Variants in MTMR6 observed in about 807,000 individuals in gnomAD.
MTMR6 encodes phosphatidylinositol-3,5-bisphosphate 3-phosphatase MTMR6.
A neutral mutation model predicts 80.1 loss-of-function variants in MTMR6; 47 were observed. The observed-to-expected ratio is 0.59, with a 90% CI of 0.46 to 0.75. The LOEUF is 0.75. Ranked by LOEUF, MTMR6 falls within the 30% of genes least tolerant of loss-of-function variation. The probability of loss-of-function intolerance (pLI) is 0.00; values close to 1 mark genes in which losing one functional copy is unlikely to be tolerated. For synonymous variants in MTMR6, 254 were observed against 253.0 expected, an observed-to-expected ratio of 1.00 and a Z score of -0.04; for missense variants, 629 against 730.9, an observed-to-expected ratio of 0.86 and a Z score of 1.61.
chr13:25,257,668 A>G, intron 8 of MTMR6, 68 bp downstream of exon 8: 1 of 1,152,662 alleles, frequency 8.7e-7, no homozygotes, highest in Non-Finnish European at 1.3e-6. Context: ...CCAGCCCCCA[A>G]CAGAATACAT....
intron 1 of MTMR6, among the ~76,000 whole-genome samples, chr13:25,282,590 CTTTTTTCTTTT>C (rs1329408241): frequency 2.2e-5 from 3 of 133,354 alleles, no homozygotes; most frequent in African/African-American, 9.9e-5. Context: ...TCGCCCTCTT[CTTTTTTCTTTT>C]TTCTTTTTTC....
intron 1 of MTMR6, among the ~76,000 whole-genome samples, chr13:25,274,672 A>G (rs1232588626): frequency 1.3e-5 from 2 of 151,994 alleles, no homozygotes; most frequent in East Asian, 3.8e-4. Context: ...TTTTTTGTCC[A>G]CCTCTGGGCT....
Position 25,249,405 on chromosome 13 carries a change from T to C in MTMR6, c.1693A>G (p.Lys565Glu). The change falls in exon 14 of 14, where the codon AAA (lysine) becomes GAA (glutamate). Residue 565 changes from lysine to glutamate, a missense_variant. By Grantham distance (56) the Lys-to-Glu change is moderately conservative. Coordinates refer to ENST00000381801, the MANE Select transcript of MTMR6 (RefSeq NM_004685.5). ...HSVHPESPNL[K>E]TSLCFKEQTL... ...TGCTCTTTAAAACACAGGGAAGTTT[T>C]GAGGTTAGGTGATTCAGGATGAACT... is the stretch of plus-strand genomic sequence containing the variant. 1 of 1,614,120 alleles carries C rather than the reference T, an allele frequency of 6.2e-7. No individual in the cohort carries two copies. Among genetic ancestry groups the C allele is most frequent in the Non-Finnish European group, 8.5e-7 (1 of 1,179,970 alleles).
chr13:25,270,789 ACAAT>A (rs1957554852), intron 2 of MTMR6, among the ~76,000 whole-genome samples: 1 of 152,230 alleles, frequency 6.6e-6, no homozygotes, highest in Non-Finnish European at 1.5e-5. Context: ...TCAGAAGAGT[ACAAT>A]CAAAGAGAGA....
At chr13:25,265,752 A>G in intron 5 of MTMR6, 67 bp downstream of exon 5, 1 of 1,477,224 alleles carries the variant, frequency 6.8e-7, no homozygotes, top group South Asian at 1.3e-5. Flanking sequence ...AAAAAGTGTT[A>G]TTTTAGATAC....
intron 6 of MTMR6, 86 bp from the exon 7 acceptor site, chr13:25,258,778 T>G: frequency 1.6e-6 from 2 of 1,234,326 alleles, no homozygotes; most frequent in Non-Finnish European, 2.1e-6. Context: ...AAGCAGTATT[T>G]TAGCTAGGAG....
Position 25,263,889 on chromosome 13 carries a change from G to GAAGACAA in MTMR6, c.591+1929_591+1930insTTGTCTT, listed in dbSNP as rs527551399. On this transcript the variant is annotated intron_variant, in intron 5 of 13. Transcript: ENST00000381801. ...AAACAAAGCGAGACCTTGTCTCAAA[G>GAAGACAA]AAGAAAAAAGAAAAAAGAAAACAAA... 5.3e-5 allele frequency among the ~76,000 whole-genome samples: 8 copies of GAAGACAA among 151,692 alleles called. No homozygotes were observed. In the South Asian group the frequency reaches 1.7e-3, roughly 32 times the overall value.
chr13:25,260,162 C>CAT (rs1274091346), intron 6 of MTMR6, among the ~76,000 whole-genome samples: 2 of 150,838 alleles, frequency 1.3e-5, no homozygotes, highest in Non-Finnish European at 2.9e-5. Flanking sequence ...CATGTCCAGC[C>CAT]AGATAATTCT....
chr13:25,256,635 C>CA (rs918187846), intron 9 of MTMR6, among the ~76,000 whole-genome samples: 5 of 150,960 alleles, frequency 3.3e-5, no homozygotes, highest in Admixed American at 2.6e-4. Context: ...AGCAAAGAAA[C>CA]AAAAAAAAGG....
At position 25,251,416 on chromosome 13, in the gene MTMR6, GTTA is replaced by G. The variant is rs1447676854; in HGVS notation, c.1605+230_1605+232del. On this transcript the variant is annotated intron_variant, in intron 13 of 13. Coordinates refer to ENST00000381801, the MANE Select transcript of MTMR6 (RefSeq NM_004685.5). The surrounding 1 kb of genome is among the most constrained non-coding windows in gnomAD (Gnocchi z 4.1). ...AAGCTAGCTGGTGGGTACACAGATA[GTTA>G]TTATGTTTATCTATACGTTATGCTA... is the stretch of plus-strand genomic sequence containing the variant. Among the ~76,000 whole-genome samples the G allele has an allele frequency of 1.3e-5, 2 of 152,122 alleles. No homozygotes were observed. The highest frequency in any genetic ancestry group is 2.1e-4 in the South Asian group (1 of 4,832).
chr13:25,249,089 G>C lies in MTMR6; in HGVS notation c.*143C>G, dbSNP rs1266527380. Reference sequence around the variant, plus strand: ...ATGACTTATTTCTCTCACAAGGGTAGTTATTATCCTTCCTTCAACTATTAG... The same window carrying C: ...ATGACTTATTTCTCTCACAAGGGTACTTATTATCCTTCCTTCAACTATTAG... On this transcript the variant is annotated 3_prime_UTR_variant, in exon 14 of 14. Transcript: ENST00000381801. 6.3e-6 allele frequency: 5 copies of C among 788,264 alleles called. No homozygotes were observed. The East Asian group carries it at 8.0e-5, about 13-fold the overall frequency. The allele number at this position is 788,264 out of a possible 1,614,324, so 48.8% of individuals were successfully genotyped here.
intron 3 of MTMR6, 61 bp from the exon 4 acceptor site, chr13:25,266,347 A>AT (rs1957453913): frequency 1.4e-6 from 2 of 1,383,714 alleles, no homozygotes; most frequent in South Asian, 2.7e-5. Context: ...ACTACAAATA[A>AT]ATGTAATTTT....
chr13:25,260,906 T>A (rs1957320784), intron 6 of MTMR6, among the ~76,000 whole-genome samples: 1 of 152,200 alleles, frequency 6.6e-6, no homozygotes, highest in Non-Finnish European at 1.5e-5. Context: ...AGTTCAATGT[T>A]TCCTAAGTTA....
chr13:25,259,171 T>A (rs1957281262), intron 6 of MTMR6, among the ~76,000 whole-genome samples: 1 of 152,168 alleles, frequency 6.6e-6, no homozygotes, highest in African/African-American at 2.4e-5. Flanking sequence ...TTCAGATTAC[T>A]TGAGGGAGAT....
chr13:25,274,939 GACACACACACACACACACACAT>G lies in MTMR6; in HGVS notation c.25-774_25-753del, dbSNP rs1445134724. ...ATGTTTTTATGAATACTAGTAGACA[GACACACACACACACACACACAT>G]ACACACACACACACACACACACACA... is the stretch of plus-strand genomic sequence containing the variant. On this transcript the variant is annotated intron_variant, in intron 1 of 13. Coordinates refer to ENST00000381801, the MANE Select transcript of MTMR6 (RefSeq NM_004685.5). Among the ~76,000 whole-genome samples, 255 of 43,026 alleles carry G rather than the reference GACACACACACACACACACACAT, an allele frequency of 5.9e-3. 1 individual carries two copies. Among genetic ancestry groups the G allele is most frequent in the African/African-American group, 0.014 (241 of 17,430 alleles). The allele number at this position is 43,026 out of a possible 152,430, so 28.2% of individuals were successfully genotyped here.
chr13:25,257,108 ACTGTCTC>A, intron 9 of MTMR6, 81 bp downstream of exon 9: 1 of 1,358,482 alleles, frequency 7.4e-7, no homozygotes, highest in South Asian at 1.4e-5. Flanking sequence ...TTAGTGCAAA[ACTGTCTC>A]CAACATTGCC....
intron 8 of MTMR6, 41 bp from the exon 9 acceptor site, chr13:25,257,362 T>A: frequency 1.2e-6 from 2 of 1,600,856 alleles, no homozygotes; most frequent in Non-Finnish European, 1.7e-6. Flanking sequence ...TACTTTAAGG[T>A]AAACCAATAA....
intron 1 of MTMR6, among the ~76,000 whole-genome samples, chr13:25,285,398 C>G (rs1281737932): frequency 1.5e-5 from 2 of 137,698 alleles, no homozygotes; most frequent in Non-Finnish European, 3.1e-5. Flanking sequence ...CGCCCCCCCC[C>G]CCCCAATTAT....
chr13:25,273,612 G>T (rs1197270377), intron 2 of MTMR6, among the ~76,000 whole-genome samples: 1 of 147,568 alleles, frequency 6.8e-6, no homozygotes, highest in Non-Finnish European at 1.5e-5. Flanking sequence ...TGCAACCTCC[G>T]CCTCTCAAGT....
Sources: allele counts gnomAD v4.1 joint callset (sites outside exome capture counted in the v4.1 genomes callset), GRCh38; gene constraint gnomAD v4.1.1; non-coding constraint Gnocchi (gnomAD v3.1); transcripts MANE v1.5; gene names NCBI Gene and HGNC (gene_info 2026-07-23, HGNC 2026-07-21).